The following PPM1L variants were observed in gnomAD, a reference collection of about 807,000 sequenced individuals.
PPM1L encodes protein phosphatase, Mg2+/Mn2+ dependent 1L, also known as protein phosphatase 1L.
PPM1L carries 13 observed loss-of-function variants against 31.4 expected under a neutral mutation model. That is an observed-to-expected ratio of 0.41 (90% CI 0.27 to 0.66). PPM1L has a LOEUF of 0.66. PPM1L is among the 30% of genes least tolerant of loss of function. The pLI is 0.29. For synonymous variants in PPM1L, 184 were observed against 175.4 expected, an observed-to-expected ratio of 1.05 and a Z score of -0.39; for missense variants, 326 against 453.7, an observed-to-expected ratio of 0.72 and a Z score of 2.56.
chr3:160,968,669 G>A (rs550353873), intron 2 of PPM1L, among the ~76,000 whole-genome samples: 1 of 152,292 alleles, frequency 6.6e-6, no homozygotes, highest in Admixed American at 6.5e-5. Context: ...GGAATTATGA[G>A]GAGAGTAGGC....
chr3:161,061,537 C>T (rs895682200), intron 2 of PPM1L, among the ~76,000 whole-genome samples: 10 of 152,044 alleles, frequency 6.6e-5, no homozygotes, highest in Non-Finnish European at 1.3e-4. Context: ...GTGGATTCAA[C>T]CAACCACAGA....
intron 1 of PPM1L, among the ~76,000 whole-genome samples, chr3:160,936,465 A>G (rs1258129826): frequency 1.3e-5 from 2 of 152,158 alleles, no homozygotes; most frequent in African/African-American, 4.8e-5. Context: ...TAGCAATCTA[A>G]TGTTGTGAAG....
chr3:160,902,106 G>T (rs570822882), intron 1 of PPM1L, among the ~76,000 whole-genome samples: 1 of 151,982 alleles, frequency 6.6e-6, no homozygotes, highest in South Asian at 2.1e-4. Flanking sequence ...GCTTGGCTCT[G>T]TTCATTCACA....
At chr3:160,761,646 T>C (rs1714971122) in intron 1 of PPM1L, among the ~76,000 whole-genome samples, 1 of 152,224 alleles carries the variant, frequency 6.6e-6, no homozygotes, top group Non-Finnish European at 1.5e-5. Context: ...TTATCTTTCC[T>C]ACACTCAATT....
At chr3:160,859,092 C>G (rs1209594278) in intron 1 of PPM1L, among the ~76,000 whole-genome samples, 2 of 152,034 alleles carry the variant, frequency 1.3e-5, no homozygotes, top group African/African-American at 2.4e-5. Flanking sequence ...GCTTTTTTCC[C>G]TATAATATTC....
intron 1 of PPM1L, among the ~76,000 whole-genome samples, chr3:160,836,063 G>T (rs901646728): frequency 6.6e-6 from 1 of 152,004 alleles, no homozygotes; most frequent in African/African-American, 2.4e-5. Context: ...ATCTTTTCAG[G>T]TATCTTATTA....
intron 2 of PPM1L, among the ~76,000 whole-genome samples, chr3:161,022,787 C>T (rs536044585): frequency 6.6e-6 from 1 of 151,790 alleles, no homozygotes; most frequent in Non-Finnish European, 1.5e-5. Context: ...CCTCAGCCTC[C>T]CGAGTAGCTG....
intron 1 of PPM1L, among the ~76,000 whole-genome samples, chr3:160,776,806 G>T (rs1246972730): frequency 2.6e-5 from 4 of 151,634 alleles, no homozygotes; most frequent in Non-Finnish European, 4.4e-5. Context: ...TCACCATGTT[G>T]GTCAGGCTGG....
chr3:160,988,885 G>C (rs1263720267), intron 2 of PPM1L, among the ~76,000 whole-genome samples: 1 of 152,098 alleles, frequency 6.6e-6, no homozygotes, highest in East Asian at 1.9e-4. Context: ...TCATAAACTA[G>C]TTCTGTGGTT....
At position 160,895,984 on chromosome 3, in the gene PPM1L, A is replaced by T. The variant is rs773665167; in HGVS notation, c.400-65752A>T. On this transcript the variant is annotated intron_variant, in intron 1 of 3. Coordinates refer to ENST00000498165, the MANE Select transcript of PPM1L (RefSeq NM_139245.4). ...TTCTGATTCACCTTCTCCCTACCCC[A>T]ACATTAGCTTGGATCTCATGTTCAT... Among the ~76,000 whole-genome samples the T allele has an allele frequency of 9.9e-5, 15 of 152,258 alleles. No homozygotes were observed. In the South Asian group the frequency reaches 2.1e-3, roughly 21 times the overall value.
chr3:161,056,453 G>T (rs1475791408), intron 2 of PPM1L, among the ~76,000 whole-genome samples: 1 of 151,916 alleles, frequency 6.6e-6, no homozygotes, highest in African/African-American at 2.4e-5. Context: ...CTGAAACACT[G>T]TGAATAAGTA....
intron 1 of PPM1L, among the ~76,000 whole-genome samples, chr3:160,853,274 T>C (rs1183381206): frequency 6.6e-6 from 1 of 152,200 alleles, no homozygotes; most frequent in African/African-American, 2.4e-5. Flanking sequence ...TACGTAATTG[T>C]TTTGGGGGCC....
intron 2 of PPM1L, among the ~76,000 whole-genome samples, chr3:160,999,959 G>A: frequency 6.6e-6 from 1 of 152,172 alleles, no homozygotes; most frequent in African/African-American, 2.4e-5. Context: ...TTTATTGTAA[G>A]TACTGATTTA....
intron 1 of PPM1L, among the ~76,000 whole-genome samples, chr3:160,850,220 A>G (rs1560125915): frequency 6.6e-6 from 1 of 152,222 alleles, no homozygotes; most frequent in Non-Finnish European, 1.5e-5. Flanking sequence ...TACAAAGGAT[A>G]CAACCCAAGA....
chr3:160,841,813 T>C (rs528335849), intron 1 of PPM1L, among the ~76,000 whole-genome samples: 61 of 152,336 alleles, frequency 4.0e-4, no homozygotes, highest in Non-Finnish European at 7.3e-4. Context: ...TACTTTTGTC[T>C]TATGTGAAAT....
intron 1 of PPM1L, among the ~76,000 whole-genome samples, chr3:160,840,497 G>A (rs1005598093): frequency 2.6e-5 from 4 of 152,094 alleles, no homozygotes; most frequent in African/African-American, 4.8e-5. Context: ...TATGAAGGCC[G>A]AGAAGTCCTA....
chr3:161,047,171 G>A (rs1337877927), intron 2 of PPM1L, among the ~76,000 whole-genome samples: 2 of 152,184 alleles, frequency 1.3e-5, no homozygotes, highest in Non-Finnish European at 2.9e-5. Flanking sequence ...CAGGTGACAT[G>A]ATTGCATATT....
At chr3:160,763,818 C>T (rs532944144) in intron 1 of PPM1L, among the ~76,000 whole-genome samples, 3 of 152,052 alleles carry the variant, frequency 2.0e-5, no homozygotes, top group Non-Finnish European at 2.9e-5. Context: ...AACTCAGGAG[C>T]GTGGGCCATT....
At chr3:161,044,163 C>A (rs1718989467) in intron 2 of PPM1L, among the ~76,000 whole-genome samples, 1 of 152,084 alleles carries the variant, frequency 6.6e-6, no homozygotes, top group Non-Finnish European at 1.5e-5. Flanking sequence ...CCTCAGCCTC[C>A]CGAGTAGCTG....
Sources: gnomAD v4.1 joint callset for allele counts (sites outside exome capture counted in the v4.1 genomes callset) on GRCh38, gnomAD v4.1.1 for gene constraint, MANE v1.5 for transcripts, NCBI Gene and HGNC (gene_info 2026-07-23, HGNC 2026-07-21) for gene names.